The following SH2D5 variants were observed in gnomAD, a reference collection of about 807,000 sequenced individuals.
SH2D5 encodes the protein SH2 domain-containing protein 5.
SH2D5 carries 45 observed loss-of-function variants against 48.2 expected under a neutral mutation model. That is an observed-to-expected ratio of 0.93 (90% CI 0.73 to 1.20). The LOEUF (loss-of-function observed/expected upper bound fraction) is 1.20, where lower values mean the gene tolerates loss of function less well. Among genes scored for constraint, SH2D5 ranks in the 50% most tolerant of loss-of-function variants. SH2D5 has a pLI of 0.00. For synonymous variants in SH2D5, 230 were observed against 249.8 expected (o/e 0.92, Z 0.75); for missense variants, 538 against 584.1 (o/e 0.92, Z 0.81).
chr1:20,731,794 G>T (rs1401395093), intron 1 of SH2D5, among the ~76,000 whole-genome samples: 2 of 152,102 alleles, frequency 1.3e-5, no homozygotes, highest in Non-Finnish European at 1.5e-5. Context: ...CTCGCTCGGG[G>T]CGCTGCGGGG....
intron 9 of SH2D5, 53 bp downstream of exon 9, chr1:20,722,703 A>G (rs1290698485): frequency 1.4e-6 from 2 of 1,402,512 alleles, no homozygotes; most frequent in East Asian, 5.6e-5. Flanking sequence ...AGGGCCAGGG[A>G]TGGAGCCAAT....
In SH2D5 at chr1:20,725,934, T is replaced by TGCCC; in HGVS notation, c.372_375dup (p.Ser126GlyfsTer28). 6.2e-7 allele frequency: 1 copy of TGCCC among 1,613,322 alleles called. No individual in the cohort carries two copies. The highest frequency in any genetic ancestry group is 8.5e-7 in the Non-Finnish European group (1 of 1,179,962). ...GCCCCAGATACCTCTCCTGGCTGGC[T>TGCCC]GCCCACAAAGAGGTGGCAGAAGAGC... On this transcript the variant is annotated frameshift_variant, in exon 5 of 10. Transcript: ENST00000444387. LOFTEE classifies it high-confidence loss of function.
At position 20,728,586 on chromosome 1, in the gene SH2D5, A is replaced by G. The variant is rs1205383459; in HGVS notation, c.-42-500T>C. Among the ~76,000 whole-genome samples, 6 of 152,164 alleles carry G rather than the reference A, an allele frequency of 3.9e-5. No individual in the cohort carries two copies. On this transcript the variant is annotated intron_variant, in intron 1 of 9. Coordinates refer to ENST00000444387, the MANE Select transcript of SH2D5 (RefSeq NM_001103161.2). The surrounding 1 kb of genome is among the most constrained non-coding windows in gnomAD (Gnocchi z 4.3). ...GCCAGAGGGAAGGGAGGGCCACCTGAGAGGGCGCCATCAAAGAGAAGGGCA... is the reference window on the plus strand; with the variant it reads ...GCCAGAGGGAAGGGAGGGCCACCTGGGAGGGCGCCATCAAAGAGAAGGGCA...
chr1:20,727,496 A>G, intron 3 of SH2D5, 27 bp downstream of exon 3: 2 of 1,574,452 alleles, frequency 1.3e-6, no homozygotes, highest in South Asian at 2.3e-5. Context: ...GACTTCCACT[A>G]GGGAAGTGCC....
At chr1:20,730,101 G>C (rs2054877593) in intron 1 of SH2D5, among the ~76,000 whole-genome samples, 1 of 152,088 alleles carries the variant, frequency 6.6e-6, no homozygotes, top group Non-Finnish European at 1.5e-5. Flanking sequence ...GTCACATCCT[G>C]GGGCCAGGAT....
At position 20,721,884 on chromosome 1, in the gene SH2D5, C is replaced by A; in HGVS notation, c.1180G>T (p.Glu394Ter). Reference sequence around the variant, plus strand: ...CTGCCTGGGGGCCCACAGTCCTGCTCCTCGTAGGTGGGGTTCAGGCGGCCC... The same window carrying A: ...CTGCCTGGGGGCCCACAGTCCTGCTACTCGTAGGTGGGGTTCAGGCGGCCC... ...DMGRLNPTYEEQDCGPPGRPP... is the reference protein window; with the variant it reads ...DMGRLNPTYE Residue 394 changes from glutamate to a stop codon, truncating the protein, a stop_gained, in exon 10 of 10, where the codon GAG (glutamate) becomes TAG (stop). Transcript: ENST00000444387. LOFTEE classifies it high-confidence loss of function. 6.2e-7 allele frequency: 1 copy of A among 1,613,106 alleles called. No individual in the cohort carries two copies. Among genetic ancestry groups the A allele is most frequent in the South Asian group, 1.1e-5 (1 of 91,062 alleles).
At chr1:20,727,714 G>C in intron 2 of SH2D5, 111 bp from the exon 3 acceptor site, 2 of 1,088,914 alleles carry the variant, frequency 1.8e-6, no homozygotes, top group South Asian at 1.5e-5. Context: ...GCGTGTCTGT[G>C]GACAGACAGA....
chr1:20,727,704 G>A, intron 2 of SH2D5, 101 bp from the exon 3 acceptor site: 1 of 1,140,426 alleles, frequency 8.8e-7, no homozygotes, highest in Non-Finnish European at 1.3e-6. Flanking sequence ...GCTCTGCCAG[G>A]CGTGTCTGTG....
chr1:20,724,234 C>T lies in SH2D5; in HGVS notation c.648G>A (p.Ser216=), dbSNP rs1461217520. ...GGCGGGCATGGCGGGCACGGCCTTC[C>T]GACTCTGGCAGCTCCTTCTAGGGCA... ...LVGSGKELPE[S]EGRARHARLG... The change falls in exon 7 of 10, where the codon TCG becomes TCA. Residue 216 remains serine (S), a synonymous_variant. Transcript: ENST00000444387. 1.3e-5 allele frequency: 21 copies of T among 1,612,636 alleles called. No individual in the cohort carries two copies. Among genetic ancestry groups the T allele is most frequent in the Middle Eastern group, 1.6e-4 (1 of 6,082 alleles).
intron 5 of SH2D5, among the ~76,000 whole-genome samples, chr1:20,725,599 AGAGT>A (rs1438925627): frequency 2.0e-5 from 3 of 152,204 alleles, no homozygotes; most frequent in South Asian, 2.1e-4. Context: ...TGAGCCTTGA[AGAGT>A]GAGTGGAATG....
chr1:20,725,974 C>T lies in SH2D5; in HGVS notation c.336G>A (p.Arg112=), dbSNP rs956313192. ...CQFAFMARNP[R]SPASKLFCHL... Reference sequence around the variant, plus strand: ...GGCAGAAGAGCTTGCTGGCTGGGCTCCGTGGGTTTCGAGCCATGAAGGCAA... The same window carrying T: ...GGCAGAAGAGCTTGCTGGCTGGGCTTCGTGGGTTTCGAGCCATGAAGGCAA... Residue 112 remains arginine, a synonymous_variant, in exon 5 of 10, where the codon CGG becomes CGA. Transcript: ENST00000444387. The T allele has an allele frequency of 5.0e-6, 8 of 1,613,108 alleles. No homozygotes were observed. Among genetic ancestry groups the T allele is most frequent in the African/African-American group, 1.3e-5 (1 of 74,938 alleles).
Position 20,722,750 on chromosome 1 carries a change from T to C in SH2D5, c.1068+6A>G, listed in dbSNP as rs551485347. The C allele has an allele frequency of 1.6e-5, 24 of 1,478,744 alleles. 2 individuals are homozygous for C. The South Asian group carries it at 3.2e-4, about 20-fold the overall frequency. The allele number at this position is 1,478,744 out of a possible 1,614,324, so 91.6% of individuals were successfully genotyped here. A position where few individuals can be genotyped will look rare whatever the true frequency, so the allele number is the denominator to read the frequency against. On this transcript the variant is annotated splice_donor_region_variant and intron_variant, in intron 9 of 9. Transcript: ENST00000444387. ...GCCCAGGCCCCTCTGGCTGCTGCGC[T>C]CTTACCTCCAAGCAGTAGCGGCCCA...
chr1:20,726,610 G>A lies in SH2D5; in HGVS notation c.243+391C>T, dbSNP rs1182176431. 5.3e-5 allele frequency among the ~76,000 whole-genome samples: 8 copies of A among 152,148 alleles called. No homozygotes were observed. In the East Asian group the frequency reaches 5.8e-4, roughly 11 times the overall value. ...CCCCACGCTGGTTCAGCAGCAGGACGAGCCTGCAGCAGGGCAGGGAGGAGG... is the reference window on the plus strand; with the variant it reads ...CCCCACGCTGGTTCAGCAGCAGGACAAGCCTGCAGCAGGGCAGGGAGGAGG... On this transcript the variant is annotated intron_variant, in intron 4 of 9. Transcript: ENST00000444387.
intron 3 of SH2D5, 54 bp downstream of exon 3, chr1:20,727,469 C>T (rs2154538616): frequency 6.7e-7 from 1 of 1,491,522 alleles, no homozygotes; most frequent in Non-Finnish European, 9.2e-7. Context: ...AGGGGGTTAC[C>T]TGGTCTTCAA....
chr1:20,728,968 C>T lies in SH2D5; in HGVS notation c.-42-882G>A, dbSNP rs546602992. 4.3e-4 allele frequency among the ~76,000 whole-genome samples: 65 copies of T among 152,102 alleles called. No individual in the cohort carries two copies. In the South Asian group the frequency reaches 5.6e-3, roughly 13 times the overall value. The stretch of plus-strand genomic sequence containing the variant: ...AACCAGAACTCAGTCAGACAGTGCG[C>T]TGATGCAGACAGGATGTGGGGAAGG... On this transcript the variant is annotated intron_variant, in intron 1 of 9. Coordinates refer to ENST00000444387, the MANE Select transcript of SH2D5 (RefSeq NM_001103161.2). This position sits in a 1 kb window ranked among gnomAD's most constrained non-coding sequence, Gnocchi z 4.3.
At position 20,732,004 on chromosome 1, in the gene SH2D5, C is replaced by T. The variant is rs907141087; in HGVS notation, c.-43+177G>A. Among the ~76,000 whole-genome samples the T allele has an allele frequency of 1.3e-5, 2 of 151,394 alleles. No homozygotes were observed. The highest frequency in any genetic ancestry group is 1.5e-5 in the Non-Finnish European group (1 of 67,674). On this transcript the variant is annotated intron_variant, in intron 1 of 9. Coordinates refer to ENST00000444387, the MANE Select transcript of SH2D5 (RefSeq NM_001103161.2). This position sits in a 1 kb window ranked among gnomAD's most constrained non-coding sequence, Gnocchi z 5.1. ...TGCCCGGCTCCCGGCGCTCGCTCAC[C>T]GCCTCTCGAGTCCGGTCCCGGCCGC...
At chr1:20,723,522 GCT>G in intron 8 of SH2D5, 102 bp downstream of exon 8, 8 of 836,362 alleles carry the variant, frequency 9.6e-6, no homozygotes, top group Non-Finnish European at 3.8e-6. Context: ...GGTTGGGAGC[GCT>G]CTGCCCGTGC....
In SH2D5 at chr1:20,721,615, T is replaced by G. The variant is rs893013525; in HGVS notation, c.*177A>C. 1 of 563,194 alleles carries G rather than the reference T, an allele frequency of 1.8e-6. No homozygotes were observed. The allele number at this position is 563,194 out of a possible 1,614,324, so 34.9% of individuals were successfully genotyped here. A position where few individuals can be genotyped will look rare whatever the true frequency, so the allele number is the denominator to read the frequency against. The stretch of plus-strand genomic sequence containing the variant: ...AGGCCACATGTTCTCCAAGAAGCCA[T>G]TGGCGATACCCACCCTCAGGGCTCC... On this transcript the variant is annotated 3_prime_UTR_variant, in exon 10 of 10. Coordinates refer to ENST00000444387, the MANE Select transcript of SH2D5 (RefSeq NM_001103161.2).
At chr1:20,730,312 G>T (rs943086406) in intron 1 of SH2D5, among the ~76,000 whole-genome samples, 20 of 56,660 alleles carry the variant, frequency 3.5e-4, no homozygotes, top group Admixed American at 4.7e-4. Context: ...TGCTCGGGGG[G>T]GGGGGGGACG....
Sources: allele counts gnomAD v4.1 joint callset (sites outside exome capture counted in the v4.1 genomes callset), GRCh38; gene constraint gnomAD v4.1.1; non-coding constraint Gnocchi (gnomAD v3.1); transcripts MANE v1.5; gene names NCBI Gene and HGNC (gene_info 2026-07-23, HGNC 2026-07-21).